FBXO34: variants seen among roughly 807,000 people sequenced by gnomAD.
The protein encoded by FBXO34 is F-box only protein 34.
In FBXO34, 12 loss-of-function variants were observed where a neutral mutation model predicts 24.5. The observed-to-expected ratio is 0.49, with a 90% CI of 0.31 to 0.79. The LOEUF is 0.79. Among genes scored for constraint, FBXO34 ranks in the 30% least tolerant of loss-of-function variants. The probability of loss-of-function intolerance (pLI) is 0.04; values close to 1 mark genes in which losing one functional copy is unlikely to be tolerated. For synonymous variants in FBXO34, 320 were observed against 311.9 expected (o/e 1.03, Z -0.27); for missense variants, 823 against 857.7 (o/e 0.96, Z 0.51).
the FBXO34 span, among the ~76,000 whole-genome samples, chr14:55,421,350 G>A: frequency 6.6e-6 from 1 of 152,172 alleles, no homozygotes; most frequent in Non-Finnish European, 1.5e-5. Context: ...TAAACTTTAT[G>A]TCAGTCACTA....
chr14:55,280,526 A>AATTTTTTTTTT (rs201409175), intron 1 of FBXO34, among the ~76,000 whole-genome samples: 1 of 95,896 alleles, frequency 1.0e-5, no homozygotes. Context: ...TATATCAGGA[A>AATTTTTTTTTT]CTTTTTTTTT....
chr14:55,426,969 G>T, the FBXO34 span, among the ~76,000 whole-genome samples: 1 of 152,298 alleles, frequency 6.6e-6, no homozygotes, highest in South Asian at 2.1e-4. Flanking sequence ...AGCCCTGAAT[G>T]GCCAGAAGGG....
At chr14:55,317,606 A>G (rs1481013373) in intron 1 of FBXO34, among the ~76,000 whole-genome samples, 1 of 152,242 alleles carries the variant, frequency 6.6e-6, no homozygotes, top group Non-Finnish European at 1.5e-5. Flanking sequence ...GAAATACTGT[A>G]TAGTAATATA....
intron 1 of FBXO34, among the ~76,000 whole-genome samples, chr14:55,304,156 T>C (rs535905643): frequency 6.6e-6 from 1 of 152,346 alleles, no homozygotes; most frequent in Non-Finnish European, 1.5e-5. Context: ...TCTATGTTTA[T>C]GCTTGTGATT....
In FBXO34 at chr14:55,283,907, T is replaced by G. The variant is rs185006875; in HGVS notation, c.-11+12370T>G. Among the ~76,000 whole-genome samples the G allele has an allele frequency of 4.3e-3, 660 of 152,168 alleles. 4 individuals carry two copies. The highest frequency in any genetic ancestry group is 0.034 in the Middle Eastern group (10 of 294). On this transcript the variant is annotated intron_variant, in intron 1 of 1. Coordinates refer to ENST00000313833, the MANE Select transcript of FBXO34 (RefSeq NM_017943.4). ...ATTAGCTGGTAGGAGGTTATAACTT[T>G]TCCTAAAATTAAAACGTGACTTTAC...
chr14:55,438,387 C>T, the FBXO34 span, among the ~76,000 whole-genome samples: 3 of 152,130 alleles, frequency 2.0e-5, no homozygotes, highest in Non-Finnish European at 2.9e-5. Flanking sequence ...ATACATGATA[C>T]GCTCCCATCT....
chr14:55,414,535 G>A, the FBXO34 span: 13 of 1,010,988 alleles, frequency 1.3e-5, no homozygotes, highest in Non-Finnish European at 1.9e-5. Flanking sequence ...TCATTGTATT[G>A]TCTCCAATTA....
the FBXO34 span, among the ~76,000 whole-genome samples, chr14:55,417,579 C>T: frequency 2.0e-5 from 3 of 152,030 alleles, no homozygotes; most frequent in African/African-American, 7.2e-5. Context: ...CATGCCTCAG[C>T]CTCCCAAGTA....
the FBXO34 span, among the ~76,000 whole-genome samples, chr14:55,438,393 C>G: frequency 1.3e-5 from 2 of 152,166 alleles, no homozygotes; most frequent in African/African-American, 4.8e-5. Context: ...GATACGCTCC[C>G]ATCTTTCCCC....
At chr14:55,349,576 G>T (rs1300113310) in intron 1 of FBXO34, among the ~76,000 whole-genome samples, 1 of 149,632 alleles carries the variant, frequency 6.7e-6, no homozygotes, top group Non-Finnish European at 1.5e-5. Context: ...GTATTCAGTG[G>T]TATGGGAATA....
chr14:55,335,996 TTGAA>T (rs1883762807), intron 1 of FBXO34, among the ~76,000 whole-genome samples: 1 of 152,216 alleles, frequency 6.6e-6, no homozygotes, highest in African/African-American at 2.4e-5. Flanking sequence ...TGAGATACCT[TTGAA>T]TGGTAAAATT....
chr14:55,350,729 T>G lies in FBXO34; in HGVS notation c.339T>G (p.Pro113=), dbSNP rs1438970065. Residue 113 remains proline, a synonymous_variant, in exon 2 of 2, where the codon CCT becomes CCG. Transcript: ENST00000313833. ...TTGATATCTGGGCTGTTGTGAAACC[T>G]GGAAATACCAAGGAAAAAATTGCAT... ...GPLDIWAVVK[P]GNTKEKIAFF... is the part of the protein sequence containing the mutation. 6.2e-7 allele frequency: 1 copy of G among 1,611,648 alleles called. No individual in the cohort carries two copies. Among genetic ancestry groups the G allele is most frequent in the Non-Finnish European group, 8.5e-7 (1 of 1,179,446 alleles).
At chr14:55,276,130 T>C (rs1039727229) in intron 1 of FBXO34, among the ~76,000 whole-genome samples, 1 of 152,230 alleles carries the variant, frequency 6.6e-6, no homozygotes, top group Non-Finnish European at 1.5e-5. Context: ...TTTTCTCCTT[T>C]TCTTTCCACT....
At chr14:55,407,409 G>T in the FBXO34 span, among the ~76,000 whole-genome samples, 1 of 151,838 alleles carries the variant, frequency 6.6e-6, no homozygotes, top group South Asian at 2.1e-4. Context: ...GATTACAGGC[G>T]TGAGCCACTG....
chr14:55,419,195 C>A, the FBXO34 span, among the ~76,000 whole-genome samples: 4 of 152,202 alleles, frequency 2.6e-5, no homozygotes, highest in Admixed American at 2.0e-4. Flanking sequence ...GAGCCTGGCT[C>A]CTCACATGCC....
chr14:55,405,187 G>C, the FBXO34 span, among the ~76,000 whole-genome samples: 2 of 152,226 alleles, frequency 1.3e-5, no homozygotes, highest in South Asian at 4.2e-4. Context: ...ATACAGAATT[G>C]AATTCTCAAG....
At chr14:55,411,973 G>GT in the FBXO34 span, 2 of 702,158 alleles carry the variant, frequency 2.8e-6, no homozygotes, top group Non-Finnish European at 4.7e-6. Context: ...GGGCACTGTT[G>GT]TTTTTCCGGT....
chr14:55,442,955 G>A, the FBXO34 span, among the ~76,000 whole-genome samples: 13 of 152,310 alleles, frequency 8.5e-5, no homozygotes, highest in South Asian at 2.7e-3. Flanking sequence ...GAATGAAAGA[G>A]AGCGGCCTCA....
At chr14:55,287,196 G>T (rs1881792333) in intron 1 of FBXO34, among the ~76,000 whole-genome samples, 1 of 152,142 alleles carries the variant, frequency 6.6e-6, no homozygotes, top group East Asian at 1.9e-4. Flanking sequence ...ATGAGCCACT[G>T]TACCCGGTAT....
Sources: gnomAD v4.1 joint callset for allele counts (sites outside exome capture counted in the v4.1 genomes callset) on GRCh38, gnomAD v4.1.1 for gene constraint, MANE v1.5 for transcripts, NCBI Gene and HGNC (gene_info 2026-07-23, HGNC 2026-07-21) for gene names.